Variants in CPLX2 observed in about 807,000 individuals in gnomAD.
The protein encoded by CPLX2 is complexin 2.
CPLX2 carries 5 observed loss-of-function variants against 16.3 expected under a neutral mutation model. The ratio of observed to expected loss-of-function variants is 0.31; its 90% CI spans 0.16 to 0.64. CPLX2 has a LOEUF of 0.64. Ranked by LOEUF, CPLX2 falls within the 30% of genes least tolerant of loss-of-function variation. The pLI, the probability that CPLX2 is intolerant of heterozygous loss-of-function variation, is 0.79. For missense variants in CPLX2, 144 were observed against 181.4 expected (o/e 0.79, Z 1.18); for synonymous variants, 89 against 73.2 (o/e 1.22, Z -1.10).
intron 2 of CPLX2, among the ~76,000 whole-genome samples, chr5:175,813,232 A>C (rs1180856618): frequency 6.6e-6 from 1 of 152,248 alleles, no homozygotes; most frequent in East Asian, 1.9e-4. Context: ...GATTTATGAA[A>C]ATAATATGGC....
intron 1 of CPLX2, among the ~76,000 whole-genome samples, chr5:175,804,217 G>A (rs1015248445): frequency 5.3e-5 from 8 of 152,178 alleles, no homozygotes; most frequent in East Asian, 3.9e-4. Flanking sequence ...ATCTTGGCCC[G>A]AAGACATTTG....
chr5:175,820,602 T>C (rs991762970), intron 2 of CPLX2, among the ~76,000 whole-genome samples: 4 of 152,160 alleles, frequency 2.6e-5, no homozygotes, highest in Non-Finnish European at 5.9e-5. Flanking sequence ...CGCCTTTATT[T>C]TAGGAGCTGT....
intron 2 of CPLX2, among the ~76,000 whole-genome samples, chr5:175,820,282 G>C (rs189890675): frequency 6.6e-6 from 1 of 152,228 alleles, no homozygotes; most frequent in Non-Finnish European, 1.5e-5. Flanking sequence ...GGCGCCTGGC[G>C]TCATGAGCCC....
chr5:175,864,628 C>T (rs1288331652), intron 2 of CPLX2, among the ~76,000 whole-genome samples: 2 of 152,124 alleles, frequency 1.3e-5, no homozygotes, highest in African/African-American at 2.4e-5. Flanking sequence ...CACTGTGGAA[C>T]GAAGTGGGGG....
chr5:175,836,307 G>A lies in CPLX2; in HGVS notation c.-89+27239G>A, dbSNP rs562644289. On this transcript the variant is annotated intron_variant, in intron 2 of 4. Coordinates refer to the CPLX2 transcript ENST00000359546. ...GGAGCTTGCAGTGAGCCGAGATCGT[G>A]CCACTGCACTCCAGCCTGGGCGACA... Among the ~76,000 whole-genome samples, 705 of 152,228 alleles carry A rather than the reference G, an allele frequency of 4.6e-3. 5 individuals carry two copies. Among genetic ancestry groups the A allele is most frequent in the African/African-American group, 0.016 (677 of 41,548 alleles).
At chr5:175,844,435 G>C (rs1181983649) in intron 2 of CPLX2, among the ~76,000 whole-genome samples, 1 of 152,254 alleles carries the variant, frequency 6.6e-6, no homozygotes, top group East Asian at 1.9e-4. Context: ...GGACAGACAA[G>C]AGCCTGCTCT....
At chr5:175,860,979 G>A (rs1484052999) in intron 2 of CPLX2, among the ~76,000 whole-genome samples, 1 of 150,608 alleles carries the variant, frequency 6.6e-6, no homozygotes, top group Non-Finnish European at 1.5e-5. Flanking sequence ...GGGGTTATGT[G>A]TGTGGGTGAG....
chr5:175,834,291 A>T (rs1758784981), intron 2 of CPLX2, among the ~76,000 whole-genome samples: 1 of 152,228 alleles, frequency 6.6e-6, no homozygotes, highest in Non-Finnish European at 1.5e-5. Context: ...CGGTCCAGAG[A>T]TGTGTAGATA....
At chr5:175,825,937 C>CAAAAAAAAAAAAAAAAAAAAAAAAA (rs35250246) in intron 2 of CPLX2, among the ~76,000 whole-genome samples, 1 of 44,420 alleles carries the variant, frequency 2.3e-5, no homozygotes, top group African/African-American at 9.7e-5. Flanking sequence ...TGAATAAGTG[C>CAAAAAAAAAAAAAAAAAAAAAAAAA]AAAAAAAAAA....
intron 2 of CPLX2, among the ~76,000 whole-genome samples, chr5:175,865,090 G>T (rs1560029): frequency 1.3e-5 from 2 of 151,174 alleles, no homozygotes; most frequent in African/African-American, 4.9e-5. Flanking sequence ...GTGCGCGCGC[G>T]CACACACACA....
intron 2 of CPLX2, among the ~76,000 whole-genome samples, chr5:175,844,353 C>T (rs1021584008): frequency 3.3e-5 from 5 of 152,214 alleles, no homozygotes; most frequent in Non-Finnish European, 5.9e-5. Flanking sequence ...CAGAATTGGT[C>T]ACGCATTCAT....
chr5:175,863,253 C>T (rs1187895838), intron 2 of CPLX2, among the ~76,000 whole-genome samples: 3 of 152,190 alleles, frequency 2.0e-5, no homozygotes, highest in Non-Finnish European at 4.4e-5. Flanking sequence ...ATGGTGAGGT[C>T]GCCATATAGG....
intron 2 of CPLX2, among the ~76,000 whole-genome samples, chr5:175,819,192 G>A (rs145518822): frequency 2.1e-4 from 32 of 152,214 alleles, no homozygotes; most frequent in African/African-American, 6.5e-4. Flanking sequence ...TGGGAGAAGC[G>A]CTGCCATGAA....
chr5:175,822,199 C>G (rs968197309), intron 2 of CPLX2, among the ~76,000 whole-genome samples: 1 of 152,158 alleles, frequency 6.6e-6, no homozygotes, highest in African/African-American at 2.4e-5. Flanking sequence ...TCTTCCCCAC[C>G]TGTCCCTTCA....
upstream of CPLX2, chr5:175,871,464 A>AGAGGGAGAGAGAGAGAGAGAGG: frequency 1.1e-5 from 1 of 93,322 alleles, no homozygotes; most frequent in East Asian, 3.9e-4. Context: ...AGAGAGAGAG[A>AGAGGGAGAGAGAGAGAGAGAGG]GAGAGAGAGA....
intron 2 of CPLX2, among the ~76,000 whole-genome samples, chr5:175,854,136 CT>C (rs1326296298): frequency 1.3e-5 from 2 of 152,216 alleles, no homozygotes; most frequent in Non-Finnish European, 2.9e-5. Flanking sequence ...CCCAGCACCC[CT>C]GAGCCCCTAC....
At chr5:175,831,274 C>G (rs1758731343) in intron 2 of CPLX2, among the ~76,000 whole-genome samples, 1 of 152,170 alleles carries the variant, frequency 6.6e-6, no homozygotes, top group African/African-American at 2.4e-5. Context: ...AGCTCCCTCC[C>G]TTCTCTCCCC....
chr5:175,871,923 C>T (rs1393520270), intron 1 of CPLX2: 1 of 151,488 alleles, frequency 6.6e-6, no homozygotes, highest in Non-Finnish European at 1.5e-5. Flanking sequence ...CAGCTCCTTG[C>T]GAGGGGCCGC....
At chr5:175,853,424 G>A (rs1374140578) in intron 2 of CPLX2, among the ~76,000 whole-genome samples, 2 of 152,012 alleles carry the variant, frequency 1.3e-5, no homozygotes, top group African/African-American at 2.4e-5. Context: ...GTCTTTCAGG[G>A]TTGTACAGAG....
Sources: allele counts gnomAD v4.1 joint callset (sites outside exome capture counted in the v4.1 genomes callset), GRCh38; gene constraint gnomAD v4.1.1; transcripts MANE v1.5; gene names NCBI Gene and HGNC (gene_info 2026-07-23, HGNC 2026-07-21).